The following ZNF385B variants were observed in gnomAD, a reference collection of about 807,000 sequenced individuals.
The protein encoded by ZNF385B is zinc finger protein 533.
Under a neutral mutation model 39.2 loss-of-function variants are expected in ZNF385B, and 23 were observed. The ratio of observed to expected loss-of-function variants is 0.59; its 90% CI spans 0.42 to 0.83. The LOEUF (loss-of-function observed/expected upper bound fraction) is 0.83, where lower values mean the gene tolerates loss of function less well. Ranked by LOEUF, ZNF385B falls within the 40% of genes least tolerant of loss-of-function variation. The probability of loss-of-function intolerance (pLI) is 0.00; values close to 1 mark genes in which losing one functional copy is unlikely to be tolerated. For missense variants in ZNF385B, 552 were observed against 598.9 expected (o/e 0.92, Z 0.82); for synonymous variants, 205 against 222.6 (o/e 0.92, Z 0.70).
chr2:179,681,775 A>G (rs1302458445), intron 3 of ZNF385B, among the ~76,000 whole-genome samples: 1 of 152,224 alleles, frequency 6.6e-6, no homozygotes, highest in African/African-American at 2.4e-5. Context: ...ATGCAATTCC[A>G]TTGTTGATGG....
chr2:179,538,487 T>G (rs2059721665), intron 4 of ZNF385B, among the ~76,000 whole-genome samples: 1 of 130,120 alleles, frequency 7.7e-6, no homozygotes, highest in Non-Finnish European at 1.9e-5. Context: ...CTGATGAATA[T>G]ATTATTATTT....
At chr2:179,678,671 G>A (rs1697194221) in intron 3 of ZNF385B, among the ~76,000 whole-genome samples, 1 of 152,134 alleles carries the variant, frequency 6.6e-6, no homozygotes, top group Admixed American at 6.5e-5. Context: ...TTGTTATTTT[G>A]GGTTTTCTGT....
At chr2:179,527,888 A>G (rs1357918918) in intron 4 of ZNF385B, among the ~76,000 whole-genome samples, 1 of 152,148 alleles carries the variant, frequency 6.6e-6, no homozygotes, top group Non-Finnish European at 1.5e-5. Context: ...CCAGACCCAA[A>G]TCTCTAACAT....
chr2:179,844,142 C>T (rs1048229002), intron 1 of ZNF385B, among the ~76,000 whole-genome samples: 2 of 152,336 alleles, frequency 1.3e-5, no homozygotes, highest in South Asian at 2.1e-4. Flanking sequence ...CAGAAAATGC[C>T]TGCGTAACCT....
At position 179,463,886 on chromosome 2, in the gene ZNF385B, T is replaced by A. The variant is rs1473871296; in HGVS notation, c.716-17116A>T. Among the ~76,000 whole-genome samples the A allele has an allele frequency of 3.9e-5, 6 of 152,314 alleles. No individual in the cohort carries two copies. In the East Asian group the frequency reaches 1.2e-3, roughly 29 times the overall value. On this transcript the variant is annotated intron_variant, in intron 6 of 9. Transcript: ENST00000410066. Reference sequence around the variant, plus strand: ...TATACCCAGTAATGGGATTGCTGGGTCAAATGGTATTTCTAGTTCCAGATC... The same window carrying A: ...TATACCCAGTAATGGGATTGCTGGGACAAATGGTATTTCTAGTTCCAGATC...
chr2:179,743,398 CAAT>C (rs1213284770), intron 3 of ZNF385B, among the ~76,000 whole-genome samples: 2 of 151,974 alleles, frequency 1.3e-5, no homozygotes, highest in African/African-American at 2.4e-5. Flanking sequence ...CTCTGTATTT[CAAT>C]AATATTTTAT....
At chr2:179,535,931 C>T (rs2059537074) in intron 4 of ZNF385B, among the ~76,000 whole-genome samples, 1 of 152,104 alleles carries the variant, frequency 6.6e-6, no homozygotes, top group Admixed American at 6.5e-5. Context: ...ACACAAAAAT[C>T]TAGAAGGTGG....
chr2:179,539,914 G>A (rs1013806717), intron 4 of ZNF385B, among the ~76,000 whole-genome samples: 2 of 152,018 alleles, frequency 1.3e-5, no homozygotes, highest in Non-Finnish European at 2.9e-5. Flanking sequence ...GGGCACAAGG[G>A]GGTTTTTGTT....
chr2:179,493,416 T>C lies in ZNF385B; in HGVS notation c.553-9982A>G, dbSNP rs573264978. Reference sequence around the variant, plus strand: ...GTATGCATACATATATGTACACAAATGCATGTGTACATATATGTACGTATA... The same window carrying C: ...GTATGCATACATATATGTACACAAACGCATGTGTACATATATGTACGTATA... On this transcript the variant is annotated intron_variant, in intron 5 of 9. Transcript: ENST00000410066. Among the ~76,000 whole-genome samples the C allele has an allele frequency of 2.2e-4, 33 of 151,608 alleles. 1 individual carries two copies. The highest frequency in any genetic ancestry group is 7.5e-4 in the African/African-American group (31 of 41,444).
intron 3 of ZNF385B, 31 bp from the exon 4 acceptor site, chr2:179,545,000 T>C: frequency 6.2e-7 from 1 of 1,613,132 alleles, no homozygotes; most frequent in South Asian, 1.1e-5. Context: ...ATGAATTCAA[T>C]TTCTTGCTCA....
intron 3 of ZNF385B, among the ~76,000 whole-genome samples, chr2:179,645,437 T>A (rs1301121983): frequency 6.6e-6 from 1 of 152,194 alleles, no homozygotes; most frequent in Non-Finnish European, 1.5e-5. Flanking sequence ...TATTTTGATG[T>A]ACTTAATAAT....
intron 4 of ZNF385B, among the ~76,000 whole-genome samples, chr2:179,541,829 T>C (rs1443259899): frequency 2.6e-5 from 4 of 152,294 alleles, no homozygotes; most frequent in South Asian, 2.1e-4. Flanking sequence ...AGATTTCTGA[T>C]TGAGCTTTGT....
intron 3 of ZNF385B, among the ~76,000 whole-genome samples, chr2:179,685,817 A>G (rs889801204): frequency 2.6e-5 from 4 of 152,238 alleles, no homozygotes; most frequent in African/African-American, 9.6e-5. Context: ...AACCATATTT[A>G]GCAAAGATAG....
At chr2:179,838,051 A>G (rs1254749306) in intron 1 of ZNF385B, among the ~76,000 whole-genome samples, 1 of 152,072 alleles carries the variant, frequency 6.6e-6, no homozygotes, top group South Asian at 2.1e-4. Context: ...ATTCTTTAAA[A>G]ACATAAATCT....
intron 3 of ZNF385B, among the ~76,000 whole-genome samples, chr2:179,689,255 CAAGG>C (rs1698160298): frequency 6.6e-6 from 1 of 152,056 alleles, no homozygotes; most frequent in Non-Finnish European, 1.5e-5. Context: ...ATGGTTATGA[CAAGG>C]AAGAAAAGCT....
chr2:179,774,893 T>C (rs1704223533), intron 1 of ZNF385B, among the ~76,000 whole-genome samples: 2 of 152,224 alleles, frequency 1.3e-5, no homozygotes, highest in South Asian at 2.1e-4. Context: ...CATGTGACAT[T>C]AGCCCTTTCC....
rs571133456 is a variant in ZNF385B, at chr2:179,649,083, G to T, written c.299-104114C>A. Among the ~76,000 whole-genome samples the T allele has an allele frequency of 1.1e-4, 17 of 152,198 alleles. No individual in the cohort carries two copies. The South Asian group carries it at 3.5e-3, about 32-fold the overall frequency. ...GATAGGATATAGTAAAAGGAATATA[G>T]CATCATTTTCATGATATTCCTACCA... On this transcript the variant is annotated intron_variant, in intron 3 of 9. Coordinates refer to ENST00000410066, the MANE Select transcript of ZNF385B (RefSeq NM_152520.6).
intron 3 of ZNF385B, chr2:179,576,204 A>G: frequency 1.0e-6 from 1 of 984,144 alleles, no homozygotes; most frequent in Non-Finnish European, 1.2e-6. Flanking sequence ...TCATTACTGG[A>G]CTCCTTCACT....
intron 3 of ZNF385B, among the ~76,000 whole-genome samples, chr2:179,617,903 G>T (rs1689890136): frequency 6.6e-6 from 1 of 152,188 alleles, no homozygotes; most frequent in African/African-American, 2.4e-5. Context: ...TTGAGAACTT[G>T]ATCCCCCTAA....
Sources: allele counts gnomAD v4.1 joint callset (sites outside exome capture counted in the v4.1 genomes callset), GRCh38; gene constraint gnomAD v4.1.1; transcripts MANE v1.5; gene names NCBI Gene and HGNC (gene_info 2026-07-23, HGNC 2026-07-21).